TGFBRAP1: variants seen among roughly 807,000 people sequenced by gnomAD.
The protein encoded by TGFBRAP1 is transforming growth factor beta receptor associated protein 1.
TGFBRAP1 carries 20 observed loss-of-function variants against 83.2 expected under a neutral mutation model. The ratio of observed to expected loss-of-function variants is 0.24; its 90% CI spans 0.17 to 0.35. TGFBRAP1 has a LOEUF of 0.35. Ranked by LOEUF, TGFBRAP1 falls within the 10% of genes least tolerant of loss-of-function variation. The probability of loss-of-function intolerance (pLI) is 1.00; values close to 1 mark genes in which losing one functional copy is unlikely to be tolerated. For synonymous variants in TGFBRAP1, 415 were observed against 459.8 expected, an observed-to-expected ratio of 0.90 and a Z score of 1.25; for missense variants, 950 against 1,099.4, an observed-to-expected ratio of 0.86 and a Z score of 1.92.
chr2:105,273,005 A>G lies in TGFBRAP1; in HGVS notation c.1822T>C (p.Tyr608His), dbSNP rs775898171. 10 of 1,610,036 alleles carry G rather than the reference A, an allele frequency of 6.2e-6. No homozygotes were observed. In the South Asian group the frequency reaches 9.9e-5, roughly 16 times the overall value. ...VIDKRLQKEE[Y>H]HTHLAVLYLE... ...TACAGCACAGCTAAGTGGGTGTGAT[A>G]CTCTTCTTTCTGCAGGAAACAGGGG... The change falls in exon 10 of 12, where the codon TAT becomes CAT. Residue 608 changes from tyrosine to histidine, a missense_variant. Transcript: ENST00000393359.
the TGFBRAP1 span, among the ~76,000 whole-genome samples, chr2:105,252,245 CAA>C: frequency 3.9e-5 from 6 of 152,202 alleles, no homozygotes; most frequent in East Asian, 1.2e-3. Context: ...TACACCATAA[CAA>C]GAGAGTCACT....
In TGFBRAP1 at chr2:105,269,926, A is replaced by G. The variant is rs78321172; in HGVS notation, c.1973-221T>C. Among the ~76,000 whole-genome samples the G allele has an allele frequency of 9.9e-3, 1,506 of 152,286 alleles. 34 individuals carry two copies. Among genetic ancestry groups the G allele is most frequent in the African/African-American group, 0.035 (1,455 of 41,558 alleles). ...CAGAAGGCAGACTCTACTCAAAAGT[A>G]TAGCTGGACCACAGAATAATTCCTT... On this transcript the variant is annotated intron_variant, in intron 10 of 11. Transcript: ENST00000393359. This position sits in a 1 kb window ranked among gnomAD's most constrained non-coding sequence, Gnocchi z 4.1.
chr2:105,278,426 A>C (rs1229148389), intron 6 of TGFBRAP1, among the ~76,000 whole-genome samples: 1 of 152,186 alleles, frequency 6.6e-6, no homozygotes, highest in Admixed American at 6.5e-5. Flanking sequence ...AACAGCAGGA[A>C]GTGCTAGTGT....
At chr2:105,263,867 C>T (rs1676844054), downstream of TGFBRAP1, among the ~76,000 whole-genome samples, 2 of 152,116 alleles carry the variant, frequency 1.3e-5, no homozygotes, top group Admixed American at 6.5e-5. Flanking sequence ...GCATAGGCAA[C>T]AAGAGCGAAA....
At chr2:105,277,563 T>A (rs371583677) in intron 7 of TGFBRAP1, 51 bp downstream of exon 7, 1 of 1,585,626 alleles carries the variant, frequency 6.3e-7, no homozygotes, top group Middle Eastern at 1.7e-4. Context: ...CACTAAGTAT[T>A]ACTTACATGG....
At chr2:105,255,209 G>A in the TGFBRAP1 span, among the ~76,000 whole-genome samples, 1 of 152,214 alleles carries the variant, frequency 6.6e-6, no homozygotes, top group African/African-American at 2.4e-5. Flanking sequence ...TTCTGTAACT[G>A]ATGCTTTGAT....
intron 4 of TGFBRAP1, among the ~76,000 whole-genome samples, chr2:105,291,840 A>G (rs1350196912): frequency 6.6e-6 from 1 of 152,222 alleles, no homozygotes; most frequent in Non-Finnish European, 1.5e-5. Context: ...ATGTGTGCCA[A>G]CATGGAGAAA....
At chr2:105,312,097 T>G (rs1485848270) in intron 1 of TGFBRAP1, among the ~76,000 whole-genome samples, 1 of 152,102 alleles carries the variant, frequency 6.6e-6, no homozygotes, top group African/African-American at 2.4e-5. Flanking sequence ...TGGTAATGTT[T>G]CAAAAGGAAA....
intron 11 of TGFBRAP1, among the ~76,000 whole-genome samples, chr2:105,268,984 T>C (rs1029270561): frequency 6.6e-6 from 1 of 152,212 alleles, no homozygotes; most frequent in African/African-American, 2.4e-5. Context: ...ACACAGCACA[T>C]GCTGGGTAAG....
At chr2:105,324,607 G>GT (rs1005433324) in intron 1 of TGFBRAP1, among the ~76,000 whole-genome samples, 14 of 151,644 alleles carry the variant, frequency 9.2e-5, no homozygotes, top group Admixed American at 2.0e-4. Context: ...TAAGTTAAAA[G>GT]TTTTTTTTTC....
At chr2:105,256,147 T>G in the TGFBRAP1 span, among the ~76,000 whole-genome samples, 15 of 152,380 alleles carry the variant, frequency 9.8e-5, no homozygotes, top group Middle Eastern at 6.8e-3. Context: ...AAGCTCAAGA[T>G]GAACAGGCAG....
chr2:105,286,265 G>C (rs1677716959), intron 4 of TGFBRAP1, among the ~76,000 whole-genome samples: 1 of 152,218 alleles, frequency 6.6e-6, no homozygotes, highest in African/African-American at 2.4e-5. Context: ...AAGCATCATG[G>C]ATGCTGAAGC....
At chr2:105,302,095 T>C (rs776581949) in intron 2 of TGFBRAP1, among the ~76,000 whole-genome samples, 6 of 144,558 alleles carry the variant, frequency 4.2e-5, no homozygotes, top group Non-Finnish European at 9.0e-5. Flanking sequence ...ACGTGAAAAA[T>C]GTTCAACCAT....
At position 105,269,189 on chromosome 2, in the gene TGFBRAP1, A is replaced by C; in HGVS notation, c.2406+83T>G. ...AGAGACAGAAAAAAGAAAAACCAACAAAGACTATTTTTCCATCAGTAAAAT... is the reference window on the plus strand; with the variant it reads ...AGAGACAGAAAAAAGAAAAACCAACCAAGACTATTTTTCCATCAGTAAAAT... On this transcript the variant is annotated intron_variant, in intron 11 of 11. Coordinates refer to ENST00000393359, the MANE Select transcript of TGFBRAP1 (RefSeq NM_004257.6). This position sits in a 1 kb window ranked among gnomAD's most constrained non-coding sequence, Gnocchi z 4.1. 1 of 1,432,910 alleles carries C rather than the reference A, an allele frequency of 7.0e-7. No individual in the cohort carries two copies. Among genetic ancestry groups the C allele is most frequent in the Non-Finnish European group, 9.2e-7 (1 of 1,082,864 alleles). 88.8% of individuals were successfully genotyped at this position (1,432,910 alleles called of 1,614,324 possible).
At chr2:105,280,122 C>T (rs1011565863) in intron 6 of TGFBRAP1, among the ~76,000 whole-genome samples, 1 of 151,530 alleles carries the variant, frequency 6.6e-6, no homozygotes, top group African/African-American at 2.4e-5. Flanking sequence ...CCAAACTATA[C>T]TCCAAATTAT....
In TGFBRAP1 at chr2:105,307,652, C is replaced by T. The variant is rs749647652; in HGVS notation, c.650G>A (p.Gly217Glu). ...EERPPIVKRIGRQEFLLAGPG... is the reference protein window; with the variant it reads ...EERPPIVKRIERQEFLLAGPG... The stretch of plus-strand genomic sequence containing the variant: ...GCCCGCCAGCAGGAACTCCTGTCTC[C>T]CTATCCTCTTGACGATCGGCGGCCT... The change falls in exon 2 of 12, where the codon GGG becomes GAG. Residue 217 changes from glycine to glutamate, a missense_variant. Transcript: ENST00000393359. 4 of 1,613,980 alleles carry T rather than the reference C, an allele frequency of 2.5e-6. No homozygotes were observed. Among genetic ancestry groups the T allele is most frequent in the Admixed American group, 3.3e-5 (2 of 60,018 alleles).
chr2:105,271,775 A>G (rs1384322732), intron 10 of TGFBRAP1, among the ~76,000 whole-genome samples: 2 of 152,152 alleles, frequency 1.3e-5, no homozygotes, highest in African/African-American at 4.8e-5. Flanking sequence ...ACTCGCTGAA[A>G]TTTATTTGTA....
chr2:105,318,735 A>G lies in TGFBRAP1; in HGVS notation c.-17-10417T>C, dbSNP rs1473961622. ...AAGTCCAATTTGGGGCATTCCATCC[A>G]TCATTTCCCATAAACATACCCTAGA... On this transcript the variant is annotated intron_variant, in intron 1 of 11. Transcript: ENST00000393359. Among the ~76,000 whole-genome samples the G allele has an allele frequency of 2.0e-5, 3 of 152,222 alleles. No homozygotes were observed. The East Asian group carries it at 5.8e-4, about 29-fold the overall frequency.
At position 105,269,744 on chromosome 2, in the gene TGFBRAP1, C is replaced by T. The variant is rs752742217; in HGVS notation, c.1973-39G>A. The T allele has an allele frequency of 6.9e-6, 10 of 1,459,300 alleles. No homozygotes were observed. Among genetic ancestry groups the T allele is most frequent in the Middle Eastern group, 2.5e-4 (1 of 4,050 alleles). 90.4% of individuals were successfully genotyped at this position (1,459,300 alleles called of 1,614,324 possible). ...CCTGCAGCTCAGAAAGAAAGGGGCT[C>T]GCCGGCCACCCGCCCAGCGACTGGC... On this transcript the variant is annotated intron_variant, in intron 10 of 11. Coordinates refer to ENST00000393359, the MANE Select transcript of TGFBRAP1 (RefSeq NM_004257.6). The surrounding 1 kb of genome is among the most constrained non-coding windows in gnomAD (Gnocchi z 4.1).
Sources: allele counts gnomAD v4.1 joint callset (sites outside exome capture counted in the v4.1 genomes callset), GRCh38; gene constraint gnomAD v4.1.1; non-coding constraint Gnocchi (gnomAD v3.1); transcripts MANE v1.5; gene names NCBI Gene and HGNC (gene_info 2026-07-23, HGNC 2026-07-21).